RBM27: variants seen among roughly 807,000 people sequenced by gnomAD.
RBM27 encodes RNA binding motif protein 27, also known as RNA-binding protein 27.
RBM27 carries 22 observed loss-of-function variants against 135.3 expected under a neutral mutation model. That is an observed-to-expected ratio of 0.16 (90% CI 0.12 to 0.23). The LOEUF is 0.23. RBM27 is among the 10% of genes least tolerant of loss of function. The pLI is 1.00. For synonymous variants in RBM27, 481 were observed against 442.4 expected, an observed-to-expected ratio of 1.09 and a Z score of -1.10; for missense variants, 1,009 against 1,281.0, an observed-to-expected ratio of 0.79 and a Z score of 3.24.
chr5:146,258,398 A>G (rs765682845), intron 10 of RBM27, 51 bp from the exon 11 acceptor site: 5 of 1,415,444 alleles, frequency 3.5e-6, no homozygotes, highest in Non-Finnish European at 4.7e-6. Flanking sequence ...AAATATATTA[A>G]TCATTGAGAC....
chr5:146,271,662 T>A lies in RBM27; in HGVS notation c.2976T>A (p.Leu992=), dbSNP rs753023107. The A allele has an allele frequency of 9.6e-5, 154 of 1,610,976 alleles. No homozygotes were observed. The highest frequency in any genetic ancestry group is 1.2e-4 in the Non-Finnish European group (145 of 1,177,910). ...TTGAGGAAGAAAAAGAAGACTTGCTTCAGCATTTCTCAGTAAGTTTTTAAA... is the reference window on the plus strand; with the variant it reads ...TTGAGGAAGAAAAAGAAGACTTGCTACAGCATTTCTCAGTAAGTTTTTAAA... ...GFIEEEKEDL[L]QHFSTANQGP... is the part of the protein sequence containing the mutation. The change falls in exon 19 of 21, where the codon CTT becomes CTA. Residue 992 remains leucine (L), a synonymous_variant. Transcript: ENST00000265271.
intron 8 of RBM27, among the ~76,000 whole-genome samples, chr5:146,241,022 A>G (rs1757386596): frequency 6.6e-6 from 1 of 152,112 alleles, no homozygotes; most frequent in Admixed American, 6.6e-5. Flanking sequence ...TTCCCCCCGA[A>G]TCAGCTCTTA....
intron 1 of RBM27, among the ~76,000 whole-genome samples, chr5:146,218,751 A>G (rs947301557): frequency 5.3e-5 from 8 of 152,130 alleles, no homozygotes; most frequent in Non-Finnish European, 1.0e-4. Flanking sequence ...AAGATCCTTG[A>G]TATATTTAGA....
At chr5:146,213,742 G>A (rs1259286422) in intron 1 of RBM27, among the ~76,000 whole-genome samples, 1 of 152,122 alleles carries the variant, frequency 6.6e-6, no homozygotes, top group African/African-American at 2.4e-5. Flanking sequence ...CAGCAGTTGT[G>A]TAATATACGT....
intron 1 of RBM27, among the ~76,000 whole-genome samples, chr5:146,208,249 C>T (rs775171052): frequency 1.1e-4 from 17 of 152,166 alleles, no homozygotes; most frequent in South Asian, 2.1e-4. Flanking sequence ...CCACTGCGCC[C>T]GGCCAACAGG....
intron 14 of RBM27, 124 bp downstream of exon 14, chr5:146,263,755 C>T: frequency 9.0e-7 from 1 of 1,114,746 alleles, no homozygotes; most frequent in Non-Finnish European, 1.2e-6. Context: ...AGGTATACCT[C>T]TCTAGTTTCC....
intron 1 of RBM27, among the ~76,000 whole-genome samples, chr5:146,215,759 T>G (rs922982311): frequency 6.7e-6 from 1 of 149,636 alleles, no homozygotes; most frequent in Non-Finnish European, 1.5e-5. Flanking sequence ...CATGTGTAAT[T>G]TTTTTTTTTT....
chr5:146,233,798 C>G, intron 7 of RBM27, 55 bp downstream of exon 7: 1 of 1,244,374 alleles, frequency 8.0e-7, no homozygotes. Context: ...AGAACCTCAT[C>G]CCTTTTAGCT....
At chr5:146,229,940 C>T (rs1561534450) in intron 5 of RBM27, 30 bp downstream of exon 5, 1 of 1,610,488 alleles carries the variant, frequency 6.2e-7, no homozygotes, top group Non-Finnish European at 8.5e-7. Flanking sequence ...CCTAAAAACT[C>T]TGTAGTTATT....
At position 146,237,422 on chromosome 5, in the gene RBM27, A is replaced by G; in HGVS notation, c.1269A>G (p.Thr423=). The part of the protein sequence containing the change: ...PPPLPQNLLY[T]VSERQPMYSR... ...CTTTACCCCAGAACCTCCTTTACAC[A>G]GTATCAGAACGTAAGTACATGTTGT... The change falls in exon 8 of 21, where the codon ACA becomes ACG. Residue 423 remains threonine (T), a synonymous_variant. Transcript: ENST00000265271. The G allele has an allele frequency of 6.2e-7, 1 of 1,613,992 alleles. No homozygotes were observed. Among genetic ancestry groups the G allele is most frequent in the Non-Finnish European group, 8.5e-7 (1 of 1,179,872 alleles).
chr5:146,275,856 G>T (rs1234135779), intron 19 of RBM27, among the ~76,000 whole-genome samples: 1 of 152,102 alleles, frequency 6.6e-6, no homozygotes, highest in Non-Finnish European at 1.5e-5. Flanking sequence ...CAAGTAGTGT[G>T]GCTCATTTAA....
At chr5:146,259,630 CCTTTT>C (rs1335183816) in intron 11 of RBM27, among the ~76,000 whole-genome samples, 1 of 151,580 alleles carries the variant, frequency 6.6e-6, no homozygotes, top group Admixed American at 6.6e-5. Flanking sequence ...GTTAGTTGGG[CCTTTT>C]CTTTTTGTAA....
At chr5:146,268,436 T>A (rs1352000219) in intron 15 of RBM27, among the ~76,000 whole-genome samples, 2 of 151,954 alleles carry the variant, frequency 1.3e-5, no homozygotes, top group African/African-American at 4.8e-5. Context: ...GAGATGGATT[T>A]TCTCCATGTT....
At chr5:146,281,140 G>GCCTT (rs1412879952) in intron 19 of RBM27, among the ~76,000 whole-genome samples, 1 of 152,100 alleles carries the variant, frequency 6.6e-6, no homozygotes, top group Non-Finnish European at 1.5e-5. Flanking sequence ...CCTGCGCCCA[G>GCCTT]CCTTTGCAGT....
At chr5:146,283,292 C>T (rs1382652046) in intron 19 of RBM27, among the ~76,000 whole-genome samples, 1 of 152,076 alleles carries the variant, frequency 6.6e-6, no homozygotes, top group African/African-American at 2.4e-5. Flanking sequence ...GTAATTCCAA[C>T]ACTTTGGGAG....
At chr5:146,212,245 G>T (rs924024537) in intron 1 of RBM27, among the ~76,000 whole-genome samples, 1 of 152,100 alleles carries the variant, frequency 6.6e-6, no homozygotes, top group Admixed American at 6.5e-5. Flanking sequence ...TAGTAGAGAT[G>T]GGCTTTCACC....
chr5:146,227,720 C>T (rs1266690171), intron 3 of RBM27, among the ~76,000 whole-genome samples: 1 of 152,122 alleles, frequency 6.6e-6, no homozygotes, highest in African/African-American at 2.4e-5. Flanking sequence ...ACGTGGGCGA[C>T]AGAGTGAGAC....
intron 19 of RBM27, among the ~76,000 whole-genome samples, chr5:146,284,252 G>A (rs1400097130): frequency 6.6e-6 from 1 of 152,068 alleles, no homozygotes; most frequent in African/African-American, 2.4e-5. Context: ...TTTTTTCTAA[G>A]GTTTGAGTCT....
chr5:146,265,670 A>G (rs1758583967), intron 14 of RBM27, among the ~76,000 whole-genome samples: 2 of 152,234 alleles, frequency 1.3e-5, no homozygotes, highest in Admixed American at 6.5e-5. Context: ...ATGTATTCCT[A>G]ATGTGATATA....
Sources: gnomAD v4.1 joint callset for allele counts (sites outside exome capture counted in the v4.1 genomes callset) on GRCh38, gnomAD v4.1.1 for gene constraint, MANE v1.5 for transcripts, NCBI Gene and HGNC (gene_info 2026-07-23, HGNC 2026-07-21) for gene names.